Variants in PC observed in about 807,000 individuals in gnomAD.
PC encodes pyruvate carboxylase, mitochondrial.
A neutral mutation model predicts 107.8 loss-of-function variants in PC; 46 were observed. The observed-to-expected ratio is 0.43, with a 90% CI of 0.34 to 0.55. PC has a LOEUF of 0.55. Ranked by LOEUF, PC falls within the 20% of genes least tolerant of loss-of-function variation. The pLI is 0.04. For missense variants in PC, 1,241 were observed against 1,643.1 expected (o/e 0.76, Z 4.23); for synonymous variants, 662 against 684.7 (o/e 0.97, Z 0.52).
intron 3 of PC, among the ~76,000 whole-genome samples, chr11:66,949,660 C>T (rs181053942): frequency 1.1e-4 from 16 of 152,138 alleles, no homozygotes; most frequent in African/African-American, 3.4e-4. Flanking sequence ...CAGAGCGAGA[C>T]TCCATCGCAA....
chr11:66,913,844 C>G (rs1948403604), intron 3 of PC, among the ~76,000 whole-genome samples: 1 of 152,080 alleles, frequency 6.6e-6, no homozygotes, highest in Non-Finnish European at 1.5e-5. Context: ...GAGCCCCAGC[C>G]AGCCCCAGGC....
At chr11:66,923,055 C>T (rs1948631009) in intron 3 of PC, among the ~76,000 whole-genome samples, 1 of 152,140 alleles carries the variant, frequency 6.6e-6, no homozygotes, top group South Asian at 2.1e-4. Flanking sequence ...GGCGAACACA[C>T]AATAATGTGG....
At chr11:66,876,784 A>C (rs1249114778) in intron 3 of PC, among the ~76,000 whole-genome samples, 1 of 151,894 alleles carries the variant, frequency 6.6e-6, no homozygotes, top group Non-Finnish European at 1.5e-5. Context: ...CCAAATGTCT[A>C]CTCTGCTGAG....
chr11:66,919,665 G>C (rs1948547142), intron 3 of PC: 1 of 152,298 alleles, frequency 6.6e-6, no homozygotes, highest in South Asian at 2.1e-4. Context: ...AGGTTGGGGA[G>C]AGGGATCTAA....
In PC at chr11:66,899,867, T is replaced by C. The variant is rs191110430; in HGVS notation, c.1-27708A>G. On this transcript the variant is annotated intron_variant, in intron 3 of 22. Coordinates refer to ENST00000393960, the MANE Select transcript of PC (RefSeq NM_001040716.2). ...AAAGAATTACACTTATTTTTCTCCT[T>C]ATAGCTCTTCTTACATTTAGGTCTT... 6.7e-4 allele frequency among the ~76,000 whole-genome samples: 102 copies of C among 152,360 alleles called. 1 individual carries two copies. Among genetic ancestry groups the C allele is most frequent in the Admixed American group, 2.5e-3 (39 of 15,306 alleles).
chr11:66,894,760 A>G (rs1227000335), intron 3 of PC, among the ~76,000 whole-genome samples: 1 of 152,192 alleles, frequency 6.6e-6, no homozygotes, highest in African/African-American at 2.4e-5. Flanking sequence ...AGTGGCTCGC[A>G]CCTGTAATGC....
chr11:66,893,980 C>T (rs924242719), intron 3 of PC, among the ~76,000 whole-genome samples: 2 of 151,934 alleles, frequency 1.3e-5, no homozygotes, highest in Non-Finnish European at 2.9e-5. Context: ...TCCCTCACAT[C>T]CTTCCCTCTT....
chr11:66,942,017 G>A lies in PC; in HGVS notation c.-1+10413C>T, dbSNP rs1033260595. On this transcript the variant is annotated intron_variant, in intron 3 of 22. Coordinates refer to ENST00000393960, the MANE Select transcript of PC (RefSeq NM_001040716.2). Reference sequence around the variant, plus strand: ...CTCGGGAGGCTGAGGCAGGAGAGTCGCTTGAACTCGGGAGGCAGAGGTTGT... The same window carrying A: ...CTCGGGAGGCTGAGGCAGGAGAGTCACTTGAACTCGGGAGGCAGAGGTTGT... Among the ~76,000 whole-genome samples, 9 of 151,574 alleles carry A rather than the reference G, an allele frequency of 5.9e-5. No individual in the cohort carries two copies. In the South Asian group the frequency reaches 1.0e-3, roughly 18 times the overall value.
rs1945551973 is a variant in PC, at chr11:66,852,382, A to C, written c.1825+57T>G. On this transcript the variant is annotated intron_variant, in intron 15 of 22. Transcript: ENST00000393960. The surrounding 1 kb of genome is among the most constrained non-coding windows in gnomAD (Gnocchi z 4.7). ...GTCCCCAGTGGCCTAAGCCTGTGGG[A>C]CTGGCCACAGAGCGGGCGCCCATTC... 5 of 1,373,898 alleles carry C rather than the reference A, an allele frequency of 3.6e-6. No homozygotes were observed. Among genetic ancestry groups the C allele is most frequent in the African/African-American group, 1.4e-5 (1 of 70,332 alleles). The allele number at this position is 1,373,898 out of a possible 1,614,324, so 85.1% of individuals were successfully genotyped here.
chr11:66,879,969 G>C (rs1235447146), intron 3 of PC, among the ~76,000 whole-genome samples: 1 of 152,166 alleles, frequency 6.6e-6, no homozygotes, highest in Non-Finnish European at 1.5e-5. Context: ...TTATGGCCCT[G>C]AAACTAAGCT....
intron 3 of PC, among the ~76,000 whole-genome samples, chr11:66,903,302 G>C (rs1280743915): frequency 2.0e-5 from 3 of 152,082 alleles, no homozygotes; most frequent in African/African-American, 7.2e-5. Flanking sequence ...ATGAAAACAA[G>C]AATAATTCAT....
intron 10 of PC, 84 bp downstream of exon 10, chr11:66,868,762 G>C (rs1402733239): frequency 6.8e-6 from 7 of 1,025,404 alleles, no homozygotes. Flanking sequence ...AAGCCCCCTG[G>C]CTGGCCCCAG....
chr11:66,900,039 T>C (rs1361263136), intron 3 of PC, among the ~76,000 whole-genome samples: 1 of 152,190 alleles, frequency 6.6e-6, no homozygotes, highest in Non-Finnish European at 1.5e-5. Context: ...TTACTGAAAA[T>C]CAATTAACTG....
At chr11:66,878,699 C>T (rs1348432278) in intron 3 of PC, among the ~76,000 whole-genome samples, 1 of 152,178 alleles carries the variant, frequency 6.6e-6, no homozygotes, top group East Asian at 1.9e-4. Context: ...CAGAGGGAAG[C>T]GAAAGCAGGC....
chr11:66,916,655 A>C, intron 3 of PC, among the ~76,000 whole-genome samples: 1 of 152,056 alleles, frequency 6.6e-6, no homozygotes, highest in African/African-American at 2.4e-5. Context: ...GAAAGTACAA[A>C]AGATTTGGGA....
At chr11:66,935,315 G>C (rs1948969003) in intron 3 of PC, among the ~76,000 whole-genome samples, 1 of 152,212 alleles carries the variant, frequency 6.6e-6, no homozygotes, top group Non-Finnish European at 1.5e-5. Context: ...GCTCAGGTCA[G>C]CAAAAACACA....
intron 3 of PC, among the ~76,000 whole-genome samples, chr11:66,947,163 A>G (rs952309680): frequency 1.3e-5 from 2 of 152,182 alleles, no homozygotes; most frequent in Non-Finnish European, 2.9e-5. Context: ...AAGGAAATAT[A>G]TGTTCACACA....
chr11:66,917,770 G>T (rs907079378), intron 3 of PC, among the ~76,000 whole-genome samples: 1 of 152,206 alleles, frequency 6.6e-6, no homozygotes, highest in Non-Finnish European at 1.5e-5. Flanking sequence ...TAATAACGGA[G>T]AAATTTATCT....
intron 3 of PC, among the ~76,000 whole-genome samples, chr11:66,874,758 A>G (rs1946908809): frequency 6.6e-6 from 1 of 152,224 alleles, no homozygotes; most frequent in Non-Finnish European, 1.5e-5. Context: ...AAGAAAAGAA[A>G]AACAAGACAC....
Sources: gnomAD v4.1 joint callset for allele counts (sites outside exome capture counted in the v4.1 genomes callset) on GRCh38, gnomAD v4.1.1 for gene constraint, Gnocchi (gnomAD v3.1) non-coding constraint, MANE v1.5 for transcripts, NCBI Gene and HGNC (gene_info 2026-07-23, HGNC 2026-07-21) for gene names.